Variants in CFAP263 observed in about 807,000 individuals in gnomAD.
CFAP263 encodes the protein cilia- and flagella-associated protein 263.
At chr16:58,278,812 GT>G in the CFAP263 span, among the ~76,000 whole-genome samples, 1 of 150,730 alleles carries the variant, frequency 6.6e-6, no homozygotes, top group African/African-American at 2.4e-5. Flanking sequence ...TTTTTTGAAA[GT>G]TCCCCCTTTT....
At chr16:58,255,634 A>C in the CFAP263 span, among the ~76,000 whole-genome samples, 3 of 146,104 alleles carry the variant, frequency 2.1e-5, no homozygotes, top group Non-Finnish European at 4.5e-5. Flanking sequence ...CAGTGGTGCG[A>C]TCCCAGCTCC....
the CFAP263 span, chr16:58,278,463 C>T: frequency 6.2e-7 from 1 of 1,612,700 alleles, no homozygotes; most frequent in African/African-American, 1.3e-5. Flanking sequence ...CTGGGTGTAA[C>T]TGGTCCTTCC....
chr16:58,258,457 G>A, the CFAP263 span: 2 of 1,614,024 alleles, frequency 1.2e-6, no homozygotes, highest in Non-Finnish European at 1.7e-6. Flanking sequence ...CCATATCCAA[G>A]AAGAAAGGGA....
At chr16:58,253,903 C>A in the CFAP263 span, 3 of 1,375,474 alleles carry the variant, frequency 2.2e-6, no homozygotes, top group Non-Finnish European at 3.1e-6. Context: ...CTCTGGGGAA[C>A]TTCTAGCAGG....
chr16:58,259,698 G>A, the CFAP263 span, among the ~76,000 whole-genome samples: 5 of 152,230 alleles, frequency 3.3e-5, no homozygotes, highest in African/African-American at 1.2e-4. Context: ...TGTCATACCA[G>A]CCCCAGCTTG....
the CFAP263 span, among the ~76,000 whole-genome samples, chr16:58,278,328 T>A: frequency 6.6e-6 from 1 of 152,210 alleles, no homozygotes; most frequent in South Asian, 2.1e-4. Flanking sequence ...AAAATCAGAA[T>A]CTTGTGATTC....
chr16:58,254,383 G>T, the CFAP263 span, among the ~76,000 whole-genome samples: 1 of 152,168 alleles, frequency 6.6e-6, no homozygotes, highest in Non-Finnish European at 1.5e-5. Context: ...CACGAATGTA[G>T]AGAGGCTAGC....
chr16:58,274,102 A>C, the CFAP263 span, among the ~76,000 whole-genome samples: 1 of 152,342 alleles, frequency 6.6e-6, no homozygotes, highest in Middle Eastern at 3.4e-3. Flanking sequence ...GCTTTCAACA[A>C]TACCCTGAGA....
the CFAP263 span, among the ~76,000 whole-genome samples, chr16:58,277,778 T>C: frequency 6.6e-6 from 1 of 152,188 alleles, no homozygotes; most frequent in Non-Finnish European, 1.5e-5. Context: ...TACTACCATG[T>C]GTAGGAAACT....
the CFAP263 span, chr16:58,258,492 T>A: frequency 6.2e-6 from 10 of 1,613,900 alleles, no homozygotes; most frequent in Admixed American, 1.7e-5. Context: ...CAGAAAGTGA[T>A]GAAATACATT....
At chr16:58,276,896 G>A in the CFAP263 span, among the ~76,000 whole-genome samples, 148 of 152,310 alleles carry the variant, frequency 9.7e-4, no homozygotes, top group Middle Eastern at 0.01. Flanking sequence ...ATGAATAAAA[G>A]TGAATAGAGT....
the CFAP263 span, among the ~76,000 whole-genome samples, chr16:58,263,290 C>T: frequency 1.3e-5 from 2 of 152,192 alleles, no homozygotes; most frequent in African/African-American, 4.8e-5. Context: ...TAACTTGAAA[C>T]CAAATGAAGC....
At chr16:58,280,681 C>A in the CFAP263 span, 15 of 1,614,082 alleles carry the variant, frequency 9.3e-6, no homozygotes, top group Admixed American at 1.7e-5. Flanking sequence ...CGTCTCACCA[C>A]CGAAGTTCAG....
At chr16:58,274,077 G>A in the CFAP263 span, among the ~76,000 whole-genome samples, 2 of 152,264 alleles carry the variant, frequency 1.3e-5, no homozygotes, top group South Asian at 4.1e-4. Flanking sequence ...TTAATTGTTA[G>A]CTAATTGCTC....
chr16:58,262,362 T>G, the CFAP263 span: 6 of 1,585,430 alleles, frequency 3.8e-6, no homozygotes, highest in Non-Finnish European at 5.2e-6. Flanking sequence ...TATCATCTTT[T>G]CTTTCATCTT....
the CFAP263 span, chr16:58,278,389 A>G: frequency 2.6e-6 from 3 of 1,146,150 alleles, no homozygotes; most frequent in South Asian, 2.8e-5. Flanking sequence ...TTGGAACTCT[A>G]TTGGAACTAT....
the CFAP263 span, among the ~76,000 whole-genome samples, chr16:58,272,206 C>T: frequency 4.6e-5 from 7 of 151,916 alleles, no homozygotes; most frequent in African/African-American, 9.7e-5. Context: ...TTAGTAGAGA[C>T]GGGGTTTCAC....
the CFAP263 span, among the ~76,000 whole-genome samples, chr16:58,259,004 A>AATAAATAAATAAATAAATAT: frequency 0.012 from 1,761 of 151,368 alleles, 34 homozygotes; most frequent in African/African-American, 0.041. Context: ...TAAATAAATA[A>AATAAATAAATAAATAAATAT]ATAAATAAAT....
the CFAP263 span, chr16:58,259,782 T>C: frequency 1.0e-6 from 1 of 966,374 alleles, no homozygotes; most frequent in Non-Finnish European, 1.6e-6. Context: ...CCCAGAACCA[T>C]CCACTTTTCA....
Sources: gnomAD v4.1 joint callset for allele counts (sites outside exome capture counted in the v4.1 genomes callset) on GRCh38, gnomAD v4.1.1 for gene constraint, MANE v1.5 for transcripts, NCBI Gene and HGNC (gene_info 2026-07-23, HGNC 2026-07-21) for gene names.